Variants in BBS9 observed in about 807,000 individuals in gnomAD.
BBS9 encodes Bardet-Biedl syndrome 9.
In BBS9, 89 loss-of-function variants were observed where a neutral mutation model predicts 117.7. The ratio of observed to expected loss-of-function variants is 0.76; its 90% CI spans 0.64 to 0.90. The LOEUF (loss-of-function observed/expected upper bound fraction) is 0.90. Among genes scored for constraint, BBS9 ranks in the 40% least tolerant of loss-of-function variants. The pLI is 0.00. For synonymous variants in BBS9, 379 were observed against 370.9 expected (o/e 1.02, Z -0.25); for missense variants, 982 against 1,042.2 (o/e 0.94, Z 0.80).
At chr7:33,478,698 T>A (rs1842120512) in intron 19 of BBS9, among the ~76,000 whole-genome samples, 1 of 152,064 alleles carries the variant, frequency 6.6e-6, no homozygotes, top group Non-Finnish European at 1.5e-5. Context: ...TGGTGCCAGG[T>A]TTTTTGTTTG....
Position 33,152,764 on chromosome 7 carries a change from C to T in BBS9, c.176C>T (p.Thr59Ile), listed in dbSNP as rs749727731. 1 of 1,613,268 alleles carries T rather than the reference C, an allele frequency of 6.2e-7. No homozygotes were observed. ...ATCTTTAGCCCCCATCCTGCAAAAA[C>T]AGGAGATGGAGCTCAAGCCGAAGAT... ...LRIFSPHPAK[T>I]GDGAQAEDLL... is the part of the protein sequence containing the mutation. The change falls in exon 3 of 23, where the codon ACA becomes ATA. Residue 59 changes from threonine to isoleucine, a missense_variant. Physicochemically the swap from Thr to Ile is moderately conservative, Grantham distance 89. Coordinates refer to ENST00000242067, the MANE Select transcript of BBS9 (RefSeq NM_198428.3).
intron 21 of BBS9, among the ~76,000 whole-genome samples, chr7:33,577,259 C>G (rs1859065365): frequency 6.6e-6 from 1 of 152,164 alleles, no homozygotes; most frequent in African/African-American, 2.4e-5. Flanking sequence ...ACAGACACTT[C>G]TCAAAAGAAG....
At chr7:33,374,615 C>T (rs1352523740) in intron 17 of BBS9, among the ~76,000 whole-genome samples, 1 of 151,958 alleles carries the variant, frequency 6.6e-6, no homozygotes, top group Non-Finnish European at 1.5e-5. Context: ...TTAAACCTAC[C>T]AAAAGGCCGG....
intron 21 of BBS9, among the ~76,000 whole-genome samples, chr7:33,542,790 TACACACACACACACACACACACAC>T (rs368494839): frequency 2.2e-5 from 3 of 134,324 alleles, no homozygotes; most frequent in South Asian, 5.1e-4. Flanking sequence ...TATATATATG[TACACACACACACACACACACACAC>T]ACACACACAC....
At chr7:33,372,735 G>T (rs1372334502) in intron 17 of BBS9, among the ~76,000 whole-genome samples, 2 of 152,086 alleles carry the variant, frequency 1.3e-5, no homozygotes, top group Non-Finnish European at 2.9e-5. Flanking sequence ...ATTGTTATTA[G>T]TTCTTCTTTA....
intron 1 of BBS9, among the ~76,000 whole-genome samples, chr7:33,131,393 A>C (rs1226251885): frequency 6.6e-6 from 1 of 152,186 alleles, no homozygotes; most frequent in African/African-American, 2.4e-5. Context: ...GAGCTGTCCT[A>C]CTCCAAATTT....
chr7:33,190,144 G>A (rs1583547011), intron 5 of BBS9, among the ~76,000 whole-genome samples: 1 of 114,782 alleles, frequency 8.7e-6, no homozygotes, highest in Non-Finnish European at 1.7e-5. Context: ...TTTTGAGACT[G>A]AGTCTCGCTC....
chr7:33,253,272 G>A (rs1205943683), intron 5 of BBS9, among the ~76,000 whole-genome samples: 3 of 152,116 alleles, frequency 2.0e-5, no homozygotes, highest in Non-Finnish European at 4.4e-5. Context: ...TTTAAGATCT[G>A]GGTTTGGTTG....
chr7:33,172,893 T>G (rs990889082), intron 4 of BBS9, among the ~76,000 whole-genome samples: 19 of 152,210 alleles, frequency 1.2e-4, no homozygotes, highest in Admixed American at 1.1e-3. Context: ...GAAAGGCACC[T>G]TAATCAAAGG....
intron 2 of BBS9, among the ~76,000 whole-genome samples, 163 bp from the exon 3 acceptor site, chr7:33,152,538 T>C (rs1400580963): frequency 6.6e-6 from 1 of 152,228 alleles, no homozygotes; most frequent in Non-Finnish European, 1.5e-5. Context: ...AAATAAGTAC[T>C]CTTTAATTAC....
chr7:33,296,261 CAGTT>C (rs1187213543), intron 9 of BBS9, among the ~76,000 whole-genome samples: 1 of 152,068 alleles, frequency 6.6e-6, no homozygotes, highest in African/African-American at 2.4e-5. Context: ...ATCTTGGAAT[CAGTT>C]AGTACTTTTA....
Position 33,465,178 on chromosome 7 carries a change from C to T in BBS9, c.2116-40285C>T, listed in dbSNP as rs188378434. ...TGTAGAGATGGGATCTGTGGTAATTCCTGTTAATTTTGCTTTGGAGGTAAT... is the reference window on the plus strand; with the variant it reads ...TGTAGAGATGGGATCTGTGGTAATTTCTGTTAATTTTGCTTTGGAGGTAAT... On this transcript the variant is annotated intron_variant, in intron 19 of 22. Coordinates refer to ENST00000242067, the MANE Select transcript of BBS9 (RefSeq NM_198428.3). Among the ~76,000 whole-genome samples the T allele has an allele frequency of 3.2e-3, 480 of 151,202 alleles. 2 individuals carry two copies. Among genetic ancestry groups the T allele is most frequent in the Middle Eastern group, 0.01 (3 of 292 alleles).
At chr7:33,404,773 A>G (rs2128801124) in intron 19 of BBS9, among the ~76,000 whole-genome samples, 1 of 152,186 alleles carries the variant, frequency 6.6e-6, no homozygotes, top group Non-Finnish European at 1.5e-5. Context: ...CTAGATATAC[A>G]GTCATGTCGT....
intron 5 of BBS9, among the ~76,000 whole-genome samples, chr7:33,217,788 G>A (rs571757625): frequency 2.0e-5 from 3 of 152,080 alleles, no homozygotes; most frequent in Non-Finnish European, 4.4e-5. Flanking sequence ...ATCACTATGG[G>A]TTACATTTTC....
At chr7:33,348,764 C>A (rs556074106) in intron 12 of BBS9, among the ~76,000 whole-genome samples, 7 of 152,080 alleles carry the variant, frequency 4.6e-5, no homozygotes, top group African/African-American at 1.7e-4. Context: ...TTATTGGGTA[C>A]GTAGTAGTAT....
rs1158893380 is a variant in BBS9, at chr7:33,257,295, A to G, written c.502A>G (p.Ser168Gly). The G allele has an allele frequency of 1.9e-6, 3 of 1,613,686 alleles. No individual in the cohort carries two copies. Among genetic ancestry groups the G allele is most frequent in the East Asian group, 2.2e-5 (1 of 44,834 alleles). Residue 168 changes from serine to glycine, a missense_variant, in exon 6 of 23, where the codon AGC (serine) becomes GGC (glycine). Transcript: ENST00000242067. ...DGMLMVFEQE[S>G]YAFGRFLPGF... The stretch of plus-strand genomic sequence containing the variant: ...GATGCTGATGGTATTTGAGCAGGAG[A>G]GCTATGCTTTTGGAAGATTTCTCCC...
intron 19 of BBS9, among the ~76,000 whole-genome samples, chr7:33,443,621 C>T (rs776579823): frequency 3.3e-5 from 5 of 152,154 alleles, no homozygotes; most frequent in Non-Finnish European, 5.9e-5. Context: ...TACACATAAG[C>T]GTGCAGTTTT....
chr7:33,634,691 C>A (rs970847929), intron 21 of BBS9, among the ~76,000 whole-genome samples: 1 of 152,152 alleles, frequency 6.6e-6, no homozygotes, highest in Admixed American at 6.5e-5. Flanking sequence ...GAAACAACCA[C>A]AAAGCCCTGC....
chr7:33,371,677 T>C (rs1178946124), intron 17 of BBS9, among the ~76,000 whole-genome samples: 1 of 152,036 alleles, frequency 6.6e-6, no homozygotes, highest in Non-Finnish European at 1.5e-5. Context: ...CTAGGGAGAC[T>C]TTGTAGATTT....
Sources: gnomAD v4.1 joint callset for allele counts (sites outside exome capture counted in the v4.1 genomes callset) on GRCh38, gnomAD v4.1.1 for gene constraint, MANE v1.5 for transcripts, NCBI Gene and HGNC (gene_info 2026-07-23, HGNC 2026-07-21) for gene names.